The following ABLIM1 variants were observed in gnomAD, a reference collection of about 807,000 sequenced individuals.
ABLIM1 encodes the protein actin-binding LIM protein 1.
In ABLIM1, 40 loss-of-function variants were observed where a neutral mutation model predicts 107.0. The observed-to-expected ratio is 0.37, with a 90% CI of 0.29 to 0.49. ABLIM1 has a LOEUF of 0.49. Ranked by LOEUF, ABLIM1 falls within the 20% of genes least tolerant of loss-of-function variation. The pLI is 0.97. For synonymous variants in ABLIM1, 357 were observed against 357.3 expected, an observed-to-expected ratio of 1.00 and a Z score of 0.01; for missense variants, 857 against 1,008.5, an observed-to-expected ratio of 0.85 and a Z score of 2.04.
At chr10:114,566,122 A>G (rs776652271) in intron 4 of ABLIM1, among the ~76,000 whole-genome samples, 1 of 152,062 alleles carries the variant, frequency 6.6e-6, no homozygotes, top group Non-Finnish European at 1.5e-5. Context: ...GTCAGACTAG[A>G]GCATTTGTCT....
the ABLIM1 span, among the ~76,000 whole-genome samples, chr10:114,794,483 T>C: frequency 2.0e-5 from 3 of 152,220 alleles, no homozygotes; most frequent in African/African-American, 7.2e-5. Flanking sequence ...ATTTAAAAAA[T>C]CAAAGGAATT....
rs2140406544 is a variant in ABLIM1, at chr10:114,619,865, G to A, written c.245-17904C>T. ...TTAACAGTTGGGTTAGTTCTTAATT[G>A]TATCAAGCACCCAAGACAGATGACA... On this transcript the variant is annotated intron_variant, in intron 1 of 22. Transcript: ENST00000533213. The surrounding 1 kb of genome is among the most constrained non-coding windows in gnomAD (Gnocchi z 4.1). Among the ~76,000 whole-genome samples, 1 of 152,262 alleles carries A rather than the reference G, an allele frequency of 6.6e-6. No individual in the cohort carries two copies. The highest frequency in any genetic ancestry group is 2.1e-4 in the South Asian group (1 of 4,824).
At chr10:114,791,414 G>A in the ABLIM1 span, among the ~76,000 whole-genome samples, 4 of 152,180 alleles carry the variant, frequency 2.6e-5, no homozygotes, top group East Asian at 3.9e-4. Flanking sequence ...CAAAGCCGGC[G>A]GATCACGAGG....
chr10:114,769,856 ATTAT>A (rs1212585303), upstream of ABLIM1, among the ~76,000 whole-genome samples: 1 of 152,236 alleles, frequency 6.6e-6, no homozygotes, highest in Non-Finnish European at 1.5e-5. Context: ...AAATCAACTC[ATTAT>A]TTATCCATCT....
At chr10:114,690,606 A>C in intron 1 of ABLIM1, 1 of 820,208 alleles carries the variant, frequency 1.2e-6, no homozygotes, top group South Asian at 1.4e-5. Flanking sequence ...CTCACCATTG[A>C]TGGCAATGTT....
chr10:114,697,792 C>T (rs1289472457), intron 1 of ABLIM1, among the ~76,000 whole-genome samples: 1 of 152,144 alleles, frequency 6.6e-6, no homozygotes, highest in African/African-American at 2.4e-5. Flanking sequence ...TCAAAACCTT[C>T]TCATATTAAT....
At chr10:114,676,614 G>A (rs886442660) in intron 1 of ABLIM1, among the ~76,000 whole-genome samples, 1 of 152,124 alleles carries the variant, frequency 6.6e-6, no homozygotes, top group African/African-American at 2.4e-5. Flanking sequence ...AGATTATTGT[G>A]TTCTCAAAAC....
intron 2 of ABLIM1, among the ~76,000 whole-genome samples, chr10:114,576,077 CT>C (rs1418337131): frequency 6.6e-6 from 1 of 152,164 alleles, no homozygotes; most frequent in Non-Finnish European, 1.5e-5. Context: ...CTACTTTCCA[CT>C]GCTACGAAAA....
At chr10:114,630,940 A>G (rs1311179417) in intron 1 of ABLIM1, among the ~76,000 whole-genome samples, 1 of 152,210 alleles carries the variant, frequency 6.6e-6, no homozygotes, top group East Asian at 1.9e-4. Context: ...GAATGATTCA[A>G]TTTTTATATT....
chr10:114,504,300 C>T (rs2060831756), intron 6 of ABLIM1, among the ~76,000 whole-genome samples: 1 of 152,088 alleles, frequency 6.6e-6, no homozygotes, highest in Non-Finnish European at 1.5e-5. Context: ...ATTCTTATGC[C>T]TGTCTGTGGG....
At chr10:114,512,849 AAGGAAAGAAGGAAGGAAGGAAG>A (rs2062095801) in intron 6 of ABLIM1, among the ~76,000 whole-genome samples, 2 of 77,850 alleles carry the variant, frequency 2.6e-5, no homozygotes, top group African/African-American at 9.8e-5. Context: ...GGAAGGAAGG[AAGGAAAGAAGGAAGGAAGGAAG>A]GAAGGAAGGA....
At chr10:114,738,304 C>T (rs2142248758) in intron 1 of ABLIM1, among the ~76,000 whole-genome samples, 1 of 152,288 alleles carries the variant, frequency 6.6e-6, no homozygotes, top group African/African-American at 2.4e-5. Context: ...CCCACCTTGG[C>T]CTCCCAAAGT....
In ABLIM1 at chr10:114,436,372, C is replaced by G; in HGVS notation, c.2225G>C (p.Arg742Pro). 6.3e-7 allele frequency: 1 copy of G among 1,598,886 alleles called. No homozygotes were observed. The change falls in exon 23 of 23, where the codon CGC (arginine) becomes CCC (proline). Residue 742 changes from arginine (R) to proline (P), a missense_variant and splice_region_variant. Around this residue, in one of 5 missense-constraint regions of ABLIM1, gnomAD observed 193 missense variants for 208.5 expected, o/e 0.93. Transcript: ENST00000533213. ...LREVDRTRLE[R>P]HLAPEVFREI... Reference sequence around the variant, plus strand: ...CCGAAACACTTCAGGGGCTAAGTGGCGCTGGGAAGAAGAAAAAAAAAAAAG... The same window carrying G: ...CCGAAACACTTCAGGGGCTAAGTGGGGCTGGGAAGAAGAAAAAAAAAAAAG...
At chr10:114,465,309 T>TA (rs145785344) in intron 12 of ABLIM1, among the ~76,000 whole-genome samples, 2,683 of 152,270 alleles carry the variant, frequency 0.018, 106 homozygotes, top group East Asian at 0.15. Flanking sequence ...ATCCAGCTGT[T>TA]AAAAATGGCT....
chr10:114,798,544 C>A, the ABLIM1 span, among the ~76,000 whole-genome samples: 1 of 134,192 alleles, frequency 7.5e-6, no homozygotes, highest in Non-Finnish European at 1.6e-5. Flanking sequence ...CCAGCCTGGG[C>A]AAGATGATGA....
At chr10:114,660,508 A>G (rs1414895881), upstream of ABLIM1, among the ~76,000 whole-genome samples, 1 of 151,474 alleles carries the variant, frequency 6.6e-6, no homozygotes, top group Non-Finnish European at 1.5e-5. Context: ...TCATCCATCA[A>G]AAAAAAAACC....
intron 1 of ABLIM1, among the ~76,000 whole-genome samples, chr10:114,621,382 T>C (rs12571734): frequency 0.08 from 12,245 of 152,232 alleles, 924 homozygotes; most frequent in East Asian, 0.43. Context: ...GCTTATCTCA[T>C]ATTAGAGTCT....
At chr10:114,498,940 T>C (rs1297525510) in intron 6 of ABLIM1, among the ~76,000 whole-genome samples, 1 of 152,240 alleles carries the variant, frequency 6.6e-6, no homozygotes, top group African/African-American at 2.4e-5. Context: ...TTGCTTTGTG[T>C]AAGGCTTTGT....
intron 1 of ABLIM1, chr10:114,613,591 G>A (rs375512370): frequency 1.8e-5 from 18 of 1,011,686 alleles, no homozygotes; most frequent in African/African-American, 1.5e-4. Context: ...AAACAAGAAT[G>A]TGAACCCTTT....
Sources: gnomAD v4.1 joint callset for allele counts (sites outside exome capture counted in the v4.1 genomes callset) on GRCh38, gnomAD v4.1.1 for gene constraint, gnomAD v4.1.1 regional missense constraint, Gnocchi (gnomAD v3.1) non-coding constraint, MANE v1.5 for transcripts, NCBI Gene and HGNC (gene_info 2026-07-23, HGNC 2026-07-21) for gene names.